Variants in NRG3 observed in about 807,000 individuals in gnomAD.
NRG3 encodes the protein neuregulin 3, also known as pro-neuregulin-3, membrane-bound isoform.
A neutral mutation model predicts 66.9 loss-of-function variants in NRG3; 31 were observed. The ratio of observed to expected loss-of-function variants is 0.46; its 90% CI spans 0.35 to 0.63. NRG3 has a LOEUF of 0.63. Among genes scored for constraint, NRG3 ranks in the 20% least tolerant of loss-of-function variants. The probability of loss-of-function intolerance (pLI) is 0.00; values close to 1 mark genes in which losing one functional copy is unlikely to be tolerated. For synonymous variants in NRG3, 393 were observed against 359.4 expected, an observed-to-expected ratio of 1.09 and a Z score of -1.06; for missense variants, 910 against 878.9, an observed-to-expected ratio of 1.04 and a Z score of -0.45.
At chr10:82,191,916 C>T (rs1480309533) in intron 1 of NRG3, among the ~76,000 whole-genome samples, 1 of 152,150 alleles carries the variant, frequency 6.6e-6, no homozygotes, top group African/African-American at 2.4e-5. Flanking sequence ...TCTGGCCCTG[C>T]GGTTGAGGGT....
At chr10:82,277,063 A>G (rs946788645) in intron 1 of NRG3, among the ~76,000 whole-genome samples, 1 of 151,984 alleles carries the variant, frequency 6.6e-6, no homozygotes, top group Non-Finnish European at 1.5e-5. Context: ...TAAACTTCAG[A>G]TGCTCCATAG....
chr10:82,046,896 G>C (rs1249940894), intron 1 of NRG3, among the ~76,000 whole-genome samples: 1 of 140,712 alleles, frequency 7.1e-6, no homozygotes, highest in African/African-American at 2.5e-5. Flanking sequence ...TATTGAACCA[G>C]CCTTGCATCC....
At chr10:82,717,796 G>A (rs2057064817) in intron 2 of NRG3, among the ~76,000 whole-genome samples, 2 of 151,764 alleles carry the variant, frequency 1.3e-5, no homozygotes, top group Non-Finnish European at 2.9e-5. Context: ...GGCTTCTACT[G>A]TAACACTCCC....
chr10:81,902,793 C>T (rs970735132), intron 1 of NRG3, among the ~76,000 whole-genome samples: 3 of 152,128 alleles, frequency 2.0e-5, no homozygotes, highest in African/African-American at 7.2e-5. Flanking sequence ...GTGGTTACAA[C>T]CTCTGCCTCT....
At chr10:82,383,815 G>T (rs1252851694) in intron 2 of NRG3, among the ~76,000 whole-genome samples, 3 of 151,794 alleles carry the variant, frequency 2.0e-5, no homozygotes. Flanking sequence ...TTAAATAAAT[G>T]ATAATTTTTC....
intron 2 of NRG3, among the ~76,000 whole-genome samples, chr10:82,426,073 A>G (rs2089416770): frequency 6.6e-6 from 1 of 152,190 alleles, no homozygotes; most frequent in Non-Finnish European, 1.5e-5. Context: ...GACAAAGGAA[A>G]TACCCAACTC....
intron 1 of NRG3, among the ~76,000 whole-genome samples, chr10:82,104,714 T>C (rs145575627): frequency 1.6e-4 from 24 of 152,036 alleles, no homozygotes; most frequent in Admixed American, 1.2e-3. Context: ...GTATGTGTTA[T>C]ACGATTGCAA....
chr10:82,807,604 A>G (rs1345290012), intron 3 of NRG3, among the ~76,000 whole-genome samples: 1 of 152,210 alleles, frequency 6.6e-6, no homozygotes, highest in African/African-American at 2.4e-5. Context: ...CAACATCAGC[A>G]TCATCTGGGA....
At chr10:82,849,884 G>C (rs79503770) in intron 3 of NRG3, among the ~76,000 whole-genome samples, 7,587 of 152,202 alleles carry the variant, frequency 0.05, 246 homozygotes, top group African/African-American at 0.094. Flanking sequence ...GATGCCATGG[G>C]AGGGATGTTC....
At chr10:82,846,644 A>T (rs1365706466) in intron 3 of NRG3, among the ~76,000 whole-genome samples, 1 of 152,206 alleles carries the variant, frequency 6.6e-6, no homozygotes, top group Non-Finnish European at 1.5e-5. Context: ...TAATGTCAAG[A>T]CGGTGTGTGT....
chr10:82,844,558 A>G (rs1200570007), intron 3 of NRG3, among the ~76,000 whole-genome samples: 1 of 152,156 alleles, frequency 6.6e-6, no homozygotes, highest in Non-Finnish European at 1.5e-5. Flanking sequence ...CAACATTCTT[A>G]TATAAAAATG....
intron 1 of NRG3, among the ~76,000 whole-genome samples, chr10:82,097,407 CATATATATATATCTGTAATATAT>C (rs1393984653): frequency 0.039 from 5,467 of 139,272 alleles, 326 homozygotes; most frequent in African/African-American, 0.13. Context: ...CTCCCAGATA[CATATATATATATCTGTAATATAT>C]ATATATATAT....
chr10:82,735,377 AC>A (rs1276974478), intron 2 of NRG3, among the ~76,000 whole-genome samples: 2 of 152,206 alleles, frequency 1.3e-5, no homozygotes, highest in Admixed American at 6.5e-5. Context: ...AAGAACAGTG[AC>A]TGGACAGATT....
Position 82,704,217 on chromosome 10 carries a change from T to C in NRG3, c.954-34360T>C, listed in dbSNP as rs7895149. On this transcript the variant is annotated intron_variant, in intron 2 of 8. Transcript: ENST00000372141. ...TCTTCCTTTCAGATAGGTTTCATGA[T>C]ACATTCCACCAACCACAACACACAC... Among the ~76,000 whole-genome samples, 921 of 152,180 alleles carry C rather than the reference T, an allele frequency of 6.1e-3. 6 individuals are homozygous for C. Among genetic ancestry groups the C allele is most frequent in the African/African-American group, 0.02 (845 of 41,550 alleles).
chr10:82,006,731 C>G (rs532285447), intron 1 of NRG3, among the ~76,000 whole-genome samples: 3 of 152,082 alleles, frequency 2.0e-5, no homozygotes, highest in Admixed American at 2.0e-4. Context: ...TAGGCTGTAT[C>G]CTAAGCTCTC....
intron 1 of NRG3, among the ~76,000 whole-genome samples, chr10:82,208,947 G>A (rs12261149): frequency 0.5 from 75,488 of 151,860 alleles, 20,007 homozygotes; most frequent in Middle Eastern, 0.6. Flanking sequence ...AACCCCAGGG[G>A]ACTGCACCAG....
chr10:82,482,489 T>A (rs1842354761), intron 2 of NRG3, among the ~76,000 whole-genome samples: 1 of 152,188 alleles, frequency 6.6e-6, no homozygotes, highest in Non-Finnish European at 1.5e-5. Context: ...TTTCTATTCC[T>A]GGCACTAACC....
At chr10:82,337,562 A>C (rs2082451897) in intron 1 of NRG3, among the ~76,000 whole-genome samples, 1 of 152,224 alleles carries the variant, frequency 6.6e-6, no homozygotes, top group African/African-American at 2.4e-5. Context: ...GGAATGATCA[A>C]ACTTTTCTGC....
At chr10:82,140,775 CAATGTT>C (rs1207449631) in intron 1 of NRG3, among the ~76,000 whole-genome samples, 2 of 151,976 alleles carry the variant, frequency 1.3e-5, no homozygotes, top group Non-Finnish European at 2.9e-5. Context: ...AGAAATAAAA[CAATGTT>C]AATCTGTGTC....
Sources: gnomAD v4.1 joint callset for allele counts (sites outside exome capture counted in the v4.1 genomes callset) on GRCh38, gnomAD v4.1.1 for gene constraint, MANE v1.5 for transcripts, NCBI Gene and HGNC (gene_info 2026-07-23, HGNC 2026-07-21) for gene names.